The following BMP6 variants were observed in gnomAD, a reference collection of about 807,000 sequenced individuals.
BMP6 encodes VG-1-R.
Under a neutral mutation model 54.1 loss-of-function variants are expected in BMP6, and 17 were observed. The observed-to-expected ratio is 0.31, with a 90% CI of 0.22 to 0.47. The LOEUF is 0.47. Among genes scored for constraint, BMP6 ranks in the 20% least tolerant of loss-of-function variants. The probability of loss-of-function intolerance (pLI) is 1.00; values close to 1 mark genes in which losing one functional copy is unlikely to be tolerated. For synonymous variants in BMP6, 328 were observed against 291.2 expected, an observed-to-expected ratio of 1.13 and a Z score of -1.28; for missense variants, 720 against 690.4, an observed-to-expected ratio of 1.04 and a Z score of -0.48.
At chr6:7,750,009 G>A (rs1173117498) in intron 1 of BMP6, among the ~76,000 whole-genome samples, 3 of 152,176 alleles carry the variant, frequency 2.0e-5, no homozygotes, top group South Asian at 2.1e-4. Context: ...AGTATAGAAC[G>A]GGTGGAAACA....
chr6:7,828,822 G>T lies in BMP6; in HGVS notation c.665-16318G>T, dbSNP rs147347767. 1.0e-3 allele frequency among the ~76,000 whole-genome samples: 157 copies of T among 152,330 alleles called. 2 individuals are homozygous for T. The Middle Eastern group carries it at 0.027, about 26-fold the overall frequency. ...GGTGTTGTTGAGGTGAAGAGGGACAGCCATGTGCAGATGCCCCCGATTAGG... is the reference window on the plus strand; with the variant it reads ...GGTGTTGTTGAGGTGAAGAGGGACATCCATGTGCAGATGCCCCCGATTAGG... On this transcript the variant is annotated intron_variant, in intron 1 of 6. Coordinates refer to ENST00000283147, the MANE Select transcript of BMP6 (RefSeq NM_001718.6).
In BMP6 at chr6:7,727,376, A is replaced by G; in HGVS notation, c.421A>G (p.Asn141Asp). ...GCCCCTCTTCATGCTGGATCTGTAC[A>G]ACGCCCTGTCCGCCGACAACGACGA... is the stretch of plus-strand genomic sequence containing the variant. Reference protein sequence around the residue: ...SAPLFMLDLYNALSADNDEDG... With the variant: ...SAPLFMLDLYDALSADNDEDG... Residue 141 changes from asparagine (N) to aspartate (D), a missense_variant, in exon 1 of 7, where the codon AAC (asparagine) becomes GAC (aspartate). This residue lies in a region of BMP6 where 650 missense variants were observed against 556.3 expected (regional missense o/e 1.17). Coordinates refer to ENST00000283147, the MANE Select transcript of BMP6 (RefSeq NM_001718.6). 6.2e-7 allele frequency: 1 copy of G among 1,609,042 alleles called. No homozygotes were observed. The highest frequency in any genetic ancestry group is 2.2e-5 in the East Asian group (1 of 44,668).
At chr6:7,763,556 T>C (rs1440889053) in intron 1 of BMP6, among the ~76,000 whole-genome samples, 4 of 152,180 alleles carry the variant, frequency 2.6e-5, no homozygotes. Flanking sequence ...CTAAAAGCTA[T>C]TTGCTACAGG....
chr6:7,813,432 G>T (rs1214865279), intron 1 of BMP6, among the ~76,000 whole-genome samples: 5 of 103,006 alleles, frequency 4.9e-5, no homozygotes, highest in African/African-American at 1.9e-4. Flanking sequence ...ACCAGCCTGG[G>T]CAACATAGTG....
chr6:7,849,304 A>T (rs1265747275), intron 2 of BMP6, among the ~76,000 whole-genome samples: 1 of 152,212 alleles, frequency 6.6e-6, no homozygotes, highest in Admixed American at 6.5e-5. Context: ...AACTTTGTTG[A>T]TCTCTTGACC....
chr6:7,751,798 T>C (rs2113129960), intron 1 of BMP6, among the ~76,000 whole-genome samples: 1 of 152,354 alleles, frequency 6.6e-6, no homozygotes, highest in South Asian at 2.1e-4. Flanking sequence ...GTAAGATGTT[T>C]TCTTTGTTAG....
At chr6:7,860,044 A>G (rs1248572185) in intron 2 of BMP6, among the ~76,000 whole-genome samples, 2 of 152,146 alleles carry the variant, frequency 1.3e-5, no homozygotes, top group African/African-American at 4.8e-5. Flanking sequence ...AATCATCTCA[A>G]TGAGACAGTA....
At chr6:7,766,988 G>GT (rs1245355693) in intron 1 of BMP6, among the ~76,000 whole-genome samples, 3 of 91,170 alleles carry the variant, frequency 3.3e-5, no homozygotes, top group African/African-American at 1.5e-4. Flanking sequence ...ATGATAGTTT[G>GT]TTTGTTTTTT....
At chr6:7,735,451 A>C (rs1182169446) in intron 1 of BMP6, among the ~76,000 whole-genome samples, 2 of 152,372 alleles carry the variant, frequency 1.3e-5, no homozygotes, top group East Asian at 3.9e-4. Context: ...AATAGTCCAA[A>C]GACTGAGTTT....
intron 1 of BMP6, among the ~76,000 whole-genome samples, chr6:7,822,116 G>T (rs1758620048): frequency 6.6e-6 from 1 of 152,084 alleles, no homozygotes; most frequent in Non-Finnish European, 1.5e-5. Context: ...CGCCTCCCAG[G>T]TTCAAGCAAT....
intron 1 of BMP6, among the ~76,000 whole-genome samples, chr6:7,744,081 T>G (rs1757309339): frequency 6.6e-6 from 1 of 152,240 alleles, no homozygotes; most frequent in Non-Finnish European, 1.5e-5. Flanking sequence ...TCCACTTAGA[T>G]TCTATGATTA....
chr6:7,858,072 C>T (rs1034688178), intron 2 of BMP6, among the ~76,000 whole-genome samples: 1 of 152,048 alleles, frequency 6.6e-6, no homozygotes, highest in Non-Finnish European at 1.5e-5. Flanking sequence ...ATGGGGGAGG[C>T]CCACTGGTGA....
At chr6:7,793,248 A>G (rs919768054) in intron 1 of BMP6, among the ~76,000 whole-genome samples, 2 of 152,012 alleles carry the variant, frequency 1.3e-5, no homozygotes, top group Non-Finnish European at 2.9e-5. Context: ...TGCTCTACAT[A>G]TTGTTAACTA....
intron 1 of BMP6, among the ~76,000 whole-genome samples, chr6:7,815,788 T>C (rs1202556795): frequency 1.3e-5 from 2 of 152,216 alleles, no homozygotes; most frequent in Non-Finnish European, 2.9e-5. Flanking sequence ...TAATTAACAG[T>C]GGGCGTTTAA....
chr6:7,775,020 CCTA>C (rs1314949146), intron 1 of BMP6, among the ~76,000 whole-genome samples: 3 of 152,120 alleles, frequency 2.0e-5, no homozygotes, highest in African/African-American at 7.2e-5. Flanking sequence ...TTATCAAAAA[CCTA>C]CTCCTGAGTT....
intron 1 of BMP6, among the ~76,000 whole-genome samples, chr6:7,832,776 G>A (rs577996317): frequency 1.2e-4 from 18 of 148,498 alleles, no homozygotes; most frequent in Admixed American, 3.4e-4. Flanking sequence ...TTCAAAATTT[G>A]GGTTCTGTAA....
At chr6:7,788,448 A>T (rs1758049005) in intron 1 of BMP6, among the ~76,000 whole-genome samples, 1 of 152,190 alleles carries the variant, frequency 6.6e-6, no homozygotes, top group African/African-American at 2.4e-5. Flanking sequence ...GCTGCCTTCA[A>T]ATCCTGTCTT....
chr6:7,785,351 G>A (rs1758005717), intron 1 of BMP6, among the ~76,000 whole-genome samples: 1 of 152,184 alleles, frequency 6.6e-6, no homozygotes, highest in Non-Finnish European at 1.5e-5. Flanking sequence ...CTTTTCATGT[G>A]TCATAACTGA....
At chr6:7,847,785 A>G (rs1759088566) in intron 2 of BMP6, among the ~76,000 whole-genome samples, 1 of 152,176 alleles carries the variant, frequency 6.6e-6, no homozygotes, top group Non-Finnish European at 1.5e-5. Context: ...ACTCTGCACA[A>G]ACATGTTCCT....
Sources: allele counts gnomAD v4.1 joint callset (sites outside exome capture counted in the v4.1 genomes callset), GRCh38; gene constraint gnomAD v4.1.1; regional missense constraint gnomAD v4.1.1; transcripts MANE v1.5; gene names NCBI Gene and HGNC (gene_info 2026-07-23, HGNC 2026-07-21).